PCNX2: variants seen among roughly 807,000 people sequenced by gnomAD.
PCNX2 encodes the protein pecanex-like protein 2.
In PCNX2, 168 loss-of-function variants were observed where a neutral mutation model predicts 223.8. The observed-to-expected ratio is 0.75, with a 90% CI of 0.66 to 0.85. PCNX2 has a LOEUF of 0.85. PCNX2 is among the 40% of genes least tolerant of loss of function. PCNX2 has a pLI of 0.00. For missense variants in PCNX2, 2,507 were observed against 2,675.5 expected (o/e 0.94, Z 1.39); for synonymous variants, 1,006 against 1,052.6 (o/e 0.96, Z 0.86).
At chr1:233,291,216 T>G (rs932796412) in intron 1 of PCNX2, 1 of 440,776 alleles carries the variant, frequency 2.3e-6, no homozygotes, top group Admixed American at 6.4e-5. Context: ...TGGACCTCAG[T>G]TGCTAAACCT....
Position 233,090,183 on chromosome 1 carries a change from G to T in PCNX2, c.3954C>A (p.Ala1318=), listed in dbSNP as rs373161081. The change falls in exon 23 of 34, where the codon GCC becomes GCA. Residue 1318 remains alanine (A), a synonymous_variant. Transcript: ENST00000258229. ...FAQLFAIPHS[A]MLFFQTIATS... ...TGGCAATCGTCTGAAAGAAAAGCATGGCAGAATCTGAGAATGTTGAGTTAA... is the reference window on the plus strand; with the variant it reads ...TGGCAATCGTCTGAAAGAAAAGCATTGCAGAATCTGAGAATGTTGAGTTAA... The T allele has an allele frequency of 5.6e-6, 9 of 1,612,268 alleles. No individual in the cohort carries two copies. In the African/African-American group the frequency reaches 1.1e-4, roughly 19 times the overall value.
Position 232,990,929 on chromosome 1 carries a change from C to T in PCNX2, c.5792-4389G>A, listed in dbSNP as rs1275040343. Among the ~76,000 whole-genome samples the T allele has an allele frequency of 6.6e-6, 1 of 152,226 alleles. No homozygotes were observed. The highest frequency in any genetic ancestry group is 1.9e-4 in the East Asian group (1 of 5,184). ...GTGAATGGGGAGGCTCCAGTGCATG[C>T]AGGCAGCCCCTCACCTGGCAGGATG... is the stretch of plus-strand genomic sequence containing the variant. On this transcript the variant is annotated intron_variant, in intron 32 of 33. Coordinates refer to ENST00000258229, the MANE Select transcript of PCNX2 (RefSeq NM_014801.4). This position sits in a 1 kb window ranked among gnomAD's most constrained non-coding sequence, Gnocchi z 4.3.
chr1:232,988,964 G>A (rs896598245), intron 32 of PCNX2, among the ~76,000 whole-genome samples: 8 of 152,222 alleles, frequency 5.3e-5, no homozygotes, highest in African/African-American at 1.9e-4. Context: ...AGTTCTGTCT[G>A]TGAGGTCTCA....
At chr1:233,057,330 TCC>T (rs757600919) in intron 23 of PCNX2, 40 bp from the exon 24 acceptor site, 1 of 1,501,704 alleles carries the variant, frequency 6.7e-7, no homozygotes, top group African/African-American at 1.4e-5. Flanking sequence ...CATGATTAGA[TCC>T]CCCCAAGCAG....
At chr1:233,147,420 T>C (rs982132020) in intron 19 of PCNX2, among the ~76,000 whole-genome samples, 2 of 152,038 alleles carry the variant, frequency 1.3e-5, no homozygotes, top group African/African-American at 4.8e-5. Context: ...TGGATCACCA[T>C]AAAGGTCTTC....
At chr1:233,137,093 G>A (rs1003410063) in intron 20 of PCNX2, among the ~76,000 whole-genome samples, 2 of 152,170 alleles carry the variant, frequency 1.3e-5, no homozygotes, top group Admixed American at 6.5e-5. Flanking sequence ...CTCAAATAAC[G>A]TTGCTTCATT....
In PCNX2 at chr1:233,218,490, TCTGCCCTCC is replaced by T. The variant is rs1657155774; in HGVS notation, c.2505-315_2505-307del. On this transcript the variant is annotated intron_variant, in intron 10 of 33. Coordinates refer to ENST00000258229, the MANE Select transcript of PCNX2 (RefSeq NM_014801.4). ...TGGTCTTGATCTCCTGACCTCATGA[TCTGCCCTCC>T]TTGGCCTCCCAAAGTGCTGGGATTA... 2.0e-5 allele frequency among the ~76,000 whole-genome samples: 3 copies of T among 152,234 alleles called. No homozygotes were observed. In the East Asian group the frequency reaches 5.8e-4, roughly 29 times the overall value.
At chr1:233,127,141 A>G (rs2102747694) in intron 21 of PCNX2, among the ~76,000 whole-genome samples, 1 of 152,246 alleles carries the variant, frequency 6.6e-6, no homozygotes, top group East Asian at 1.9e-4. Flanking sequence ...TATTTCCAAA[A>G]TGCAATTCTG....
chr1:233,273,332 G>C (rs140710565), intron 1 of PCNX2, among the ~76,000 whole-genome samples: 1 of 152,034 alleles, frequency 6.6e-6, no homozygotes, highest in Non-Finnish European at 1.5e-5. Context: ...GTGAGCCATG[G>C]AAGGAGCAGT....
At chr1:233,060,762 C>CATGCATG (rs1672376728) in intron 23 of PCNX2, among the ~76,000 whole-genome samples, 1 of 152,236 alleles carries the variant, frequency 6.6e-6, no homozygotes, top group Non-Finnish European at 1.5e-5. Context: ...CATGCGTCTG[C>CATGCATG]ATGCATGGTC....
chr1:233,167,457 T>C (rs182790018), intron 17 of PCNX2, among the ~76,000 whole-genome samples: 11 of 152,198 alleles, frequency 7.2e-5, no homozygotes, highest in Admixed American at 7.2e-4. Flanking sequence ...AAGTAGCAGA[T>C]ATGTAGGATA....
intron 25 of PCNX2, among the ~76,000 whole-genome samples, chr1:233,039,450 C>A (rs1671569205): frequency 6.6e-6 from 1 of 152,226 alleles, no homozygotes; most frequent in East Asian, 1.9e-4. Context: ...CTGTTATAAG[C>A]AATATTTTGA....
At chr1:233,093,616 T>C (rs1673998973) in intron 22 of PCNX2, among the ~76,000 whole-genome samples, 1 of 151,864 alleles carries the variant, frequency 6.6e-6, no homozygotes, top group African/African-American at 2.4e-5. Context: ...AAGGAACAAA[T>C]ATCTACCTTT....
rs1312984131 is a variant in PCNX2, at chr1:233,119,813, A to C, written c.3837+15200T>G. On this transcript the variant is annotated intron_variant, in intron 21 of 33. Coordinates refer to ENST00000258229, the MANE Select transcript of PCNX2 (RefSeq NM_014801.4). Reference sequence around the variant, plus strand: ...AAGACCCTATTAAGAGAAGGAAAAAACAAGCTACAGAGTGGGAGAAAGTAT... The same window carrying C: ...AAGACCCTATTAAGAGAAGGAAAAACCAAGCTACAGAGTGGGAGAAAGTAT... Among the ~76,000 whole-genome samples, 4 of 152,248 alleles carry C rather than the reference A, an allele frequency of 2.6e-5. No individual in the cohort carries two copies. In the East Asian group the frequency reaches 7.7e-4, roughly 29 times the overall value.
intron 8 of PCNX2, among the ~76,000 whole-genome samples, chr1:233,246,170 TG>T (rs1246130351): frequency 6.6e-6 from 1 of 152,062 alleles, no homozygotes; most frequent in African/African-American, 2.4e-5. Context: ...GCCCTTCAGA[TG>T]GGATAAATGC....
intron 9 of PCNX2, among the ~76,000 whole-genome samples, chr1:233,235,681 A>C (rs1658341747): frequency 1.3e-5 from 2 of 152,086 alleles, no homozygotes; most frequent in Non-Finnish European, 2.9e-5. Context: ...GGCTGATTGC[A>C]ACCTCCGCCT....
chr1:232,983,483 G>T lies in PCNX2; in HGVS notation c.*821C>A, dbSNP rs1669336357. On this transcript the variant is annotated 3_prime_UTR_variant, in exon 34 of 34. Transcript: ENST00000258229. Reference sequence around the variant, plus strand: ...AAAACAAAGGTGTGTGCGATGTTGTGTGCACAGTAAGGGTTGCGGGGCTTG... The same window carrying T: ...AAAACAAAGGTGTGTGCGATGTTGTTTGCACAGTAAGGGTTGCGGGGCTTG... 1 of 152,242 alleles carries T rather than the reference G, an allele frequency of 6.6e-6. No individual in the cohort carries two copies. The highest frequency in any genetic ancestry group is 1.5e-5 in the Non-Finnish European group (1 of 68,058). 9.4% of individuals were successfully genotyped at this position (152,242 alleles called of 1,614,324 possible). A position where few individuals can be genotyped will look rare whatever the true frequency, so the allele number is the denominator to read the frequency against.
chr1:233,225,110 TAAAAAA>T (rs71173259), intron 10 of PCNX2, among the ~76,000 whole-genome samples: 98 of 42,222 alleles, frequency 2.3e-3, no homozygotes, highest in African/African-American at 8.7e-3. Context: ...AGAACTAAAG[TAAAAAA>T]AAAAAAAAAA....
chr1:233,009,187 A>G (rs961856558), intron 28 of PCNX2, among the ~76,000 whole-genome samples: 1 of 152,218 alleles, frequency 6.6e-6, no homozygotes, highest in African/African-American at 2.4e-5. Context: ...AGAAGACGAA[A>G]TGCATTAACT....
Sources: allele counts gnomAD v4.1 joint callset (sites outside exome capture counted in the v4.1 genomes callset), GRCh38; gene constraint gnomAD v4.1.1; non-coding constraint Gnocchi (gnomAD v3.1); transcripts MANE v1.5; gene names NCBI Gene and HGNC (gene_info 2026-07-23, HGNC 2026-07-21).